Variants in DST observed in about 807,000 individuals in gnomAD.
DST encodes the protein bullous pemphigoid antigen.
In DST, 253 loss-of-function variants were observed where a neutral mutation model predicts 875.2. That is an observed-to-expected ratio of 0.29 (90% CI 0.26 to 0.32). The LOEUF is 0.32. Among genes scored for constraint, DST ranks in the 10% least tolerant of loss-of-function variants. DST has a pLI of 1.00. For synonymous variants in DST, 3,124 were observed against 3,197.1 expected (o/e 0.98, Z 0.77); for missense variants, 8,287 against 9,111.6 (o/e 0.91, Z 3.68).
chr6:56,634,479 C>T lies in DST; in HGVS notation c.3477G>A (p.Ala1159=), dbSNP rs201509973. ...CFTVPPPNKE[A]VDLANRIEQQ... ...ATACAAACCTGTTGGCAAGGTCCAC[C>T]GCTTCTTTGTTTGGTGGAGGAACGG... is the stretch of plus-strand genomic sequence containing the variant. Residue 1159 remains alanine, a synonymous_variant, in exon 26 of 104, where the codon GCG becomes GCA. Transcript: ENST00000680361. The T allele has an allele frequency of 2.4e-5, 39 of 1,614,110 alleles. No individual in the cohort carries two copies. In the South Asian group the frequency reaches 3.1e-4, roughly 13 times the overall value.
chr6:56,561,576 GAC>G (rs1330787762), intron 56 of DST, 27 bp from the exon 57 acceptor site: 1 of 1,583,536 alleles, frequency 6.3e-7, no homozygotes, highest in Non-Finnish European at 8.6e-7. Context: ...CAACTATACT[GAC>G]ACATTTTCAG....
intron 61 of DST, among the ~76,000 whole-genome samples, chr6:56,547,656 C>T (rs1417550373): frequency 7.2e-5 from 11 of 152,130 alleles, no homozygotes; most frequent in African/African-American, 2.4e-4. Flanking sequence ...AGTTTTTGGA[C>T]AGTTTGATTT....
At chr6:56,891,972 G>A (rs886851277) in intron 3 of DST, among the ~76,000 whole-genome samples, 2 of 152,174 alleles carry the variant, frequency 1.3e-5, no homozygotes, top group African/African-American at 4.8e-5. Context: ...GCAGTCATCA[G>A]CAGATGTCAG....
Position 56,506,493 on chromosome 6 carries a change from T to C in DST, c.19414A>G (p.Lys6472Glu). Residue 6472 changes from lysine (K) to glutamate (E), a missense_variant, in exon 77 of 104, where the codon AAA becomes GAA. Transcript: ENST00000680361. ...GCAGCCTGCATTGCCTCCTCAAGTT[T>C]GTCAATCCGGTCTTTCCAAGCTTTA... Reference protein sequence around the residue: ...LNKAWKDRIDKLEEAMQAAVQ... With the variant: ...LNKAWKDRIDELEEAMQAAVQ... The C allele has an allele frequency of 6.2e-7, 1 of 1,613,290 alleles. No individual in the cohort carries two copies. Among genetic ancestry groups the C allele is most frequent in the South Asian group, 1.1e-5 (1 of 90,942 alleles).
intron 4 of DST, chr6:56,843,146 G>A: frequency 6.4e-7 from 1 of 1,564,326 alleles, no homozygotes; most frequent in Non-Finnish European, 8.7e-7. Flanking sequence ...AACCCGCCAT[G>A]CCGAAGTTTA....
rs2099387865 is a variant in DST at position 56,714,371 on chromosome 6, G to A, written c.688-10002C>T. Among the ~76,000 whole-genome samples, 1 of 152,146 alleles carries A rather than the reference G, an allele frequency of 6.6e-6. No individual in the cohort carries two copies. Among genetic ancestry groups the A allele is most frequent in the African/African-American group, 2.4e-5 (1 of 41,436 alleles). ...GATCACTTCCTAAATGACATCATAA[G>A]TCTGCCAAACTTTCAGATTCTAGTC... On this transcript the variant is annotated intron_variant, in intron 5 of 103. Coordinates refer to ENST00000680361, the MANE Select transcript of DST (RefSeq NM_001374736.1). This position sits in a 1 kb window ranked among gnomAD's most constrained non-coding sequence, Gnocchi z 4.5.
At chr6:56,646,582 T>TA (rs890947292) in intron 13 of DST, among the ~76,000 whole-genome samples, 11 of 150,752 alleles carry the variant, frequency 7.3e-5, no homozygotes, top group Admixed American at 2.6e-4. Flanking sequence ...AAGAAAGCAA[T>TA]AAAAAAACTC....
At chr6:56,679,297 G>T (rs1273575101) in intron 9 of DST, among the ~76,000 whole-genome samples, 3 of 151,962 alleles carry the variant, frequency 2.0e-5, no homozygotes, top group African/African-American at 7.3e-5. Flanking sequence ...CGTCTTCTCT[G>T]CTTTCACCCT....
chr6:56,915,543 C>CG (rs1188714824), intron 2 of DST, among the ~76,000 whole-genome samples: 1 of 151,356 alleles, frequency 6.6e-6, no homozygotes, highest in African/African-American at 2.4e-5. Context: ...GCACAAAATA[C>CG]GGGGGTGGAG....
intron 4 of DST, among the ~76,000 whole-genome samples, chr6:56,741,295 G>A (rs1350779330): frequency 6.6e-6 from 1 of 152,070 alleles, no homozygotes; most frequent in Non-Finnish European, 1.5e-5. Flanking sequence ...GTACTACTGA[G>A]GTAATATCTA....
Position 56,573,158 on chromosome 6 carries a change from T to C in DST, c.13237-94A>G, listed in dbSNP as rs2097802170. ...AATGACTATTCCTAACAACATAAGC[T>C]TGCACAACCTGTGCCTAGGAAGGTT... is the stretch of plus-strand genomic sequence containing the variant. On this transcript the variant is annotated intron_variant, in intron 51 of 103. Coordinates refer to ENST00000680361, the MANE Select transcript of DST (RefSeq NM_001374736.1). 4 of 1,101,790 alleles carry C rather than the reference T, an allele frequency of 3.6e-6. No homozygotes were observed. In the South Asian group the frequency reaches 5.4e-5, roughly 15 times the overall value. 68.3% of individuals were successfully genotyped at this position (1,101,790 alleles called of 1,614,324 possible).
At chr6:56,916,778 TCACACACACA>T (rs70989742) in intron 2 of DST, among the ~76,000 whole-genome samples, 49 of 91,354 alleles carry the variant, frequency 5.4e-4, no homozygotes, top group South Asian at 9.6e-4. Flanking sequence ...TCTCTCTCTC[TCACACACACA>T]CACACACACA....
intron 61 of DST, among the ~76,000 whole-genome samples, chr6:56,539,034 T>C (rs534883450): frequency 6.6e-6 from 1 of 152,134 alleles, no homozygotes; most frequent in African/African-American, 2.4e-5. Flanking sequence ...AGGGTGGGGG[T>C]GTACAAAAAC....
intron 90 of DST, among the ~76,000 whole-genome samples, 171 bp downstream of exon 90, chr6:56,481,879 G>A (rs1582691635): frequency 6.6e-6 from 1 of 152,206 alleles, no homozygotes; most frequent in South Asian, 2.1e-4. Flanking sequence ...GGGTGCATGG[G>A]GACATACATA....
intron 5 of DST, among the ~76,000 whole-genome samples, chr6:56,717,676 C>G (rs1204167306): frequency 6.6e-6 from 1 of 152,126 alleles, no homozygotes; most frequent in Non-Finnish European, 1.5e-5. Context: ...CTGGCTCCAC[C>G]TGAACCCACC....
chr6:56,721,247 T>C (rs1370213205), intron 5 of DST, among the ~76,000 whole-genome samples: 1 of 152,196 alleles, frequency 6.6e-6, no homozygotes, highest in Non-Finnish European at 1.5e-5. Flanking sequence ...CCTGTTCTTT[T>C]TTCAACATGC....
intron 4 of DST, among the ~76,000 whole-genome samples, chr6:56,811,630 T>C (rs2153035918): frequency 6.6e-6 from 1 of 152,324 alleles, no homozygotes; most frequent in Admixed American, 6.5e-5. Flanking sequence ...TGAAACTGTG[T>C]CAGCCTTATT....
chr6:56,674,294 TTTTC>T (rs2099117320), intron 9 of DST, among the ~76,000 whole-genome samples: 2 of 151,782 alleles, frequency 1.3e-5, no homozygotes, highest in Non-Finnish European at 2.9e-5. Flanking sequence ...CTAAAATCCA[TTTTC>T]TTTCTTTTTT....
intron 34 of DST, 52 bp downstream of exon 34, chr6:56,627,152 A>T (rs2098742308): frequency 1.5e-6 from 2 of 1,317,340 alleles, no homozygotes; most frequent in Admixed American, 1.7e-5. Flanking sequence ...CAGTACATGT[A>T]GAATCACAAA....
Sources: gnomAD v4.1 joint callset for allele counts (sites outside exome capture counted in the v4.1 genomes callset) on GRCh38, gnomAD v4.1.1 for gene constraint, Gnocchi (gnomAD v3.1) non-coding constraint, MANE v1.5 for transcripts, NCBI Gene and HGNC (gene_info 2026-07-23, HGNC 2026-07-21) for gene names.